The following CNTN5 variants were observed in gnomAD, a reference collection of about 807,000 sequenced individuals.
The protein encoded by CNTN5 is contactin-5.
Under a neutral mutation model 129.1 loss-of-function variants are expected in CNTN5, and 77 were observed. That is an observed-to-expected ratio of 0.60 (90% confidence interval 0.50 to 0.72). The LOEUF is 0.72. Among genes scored for constraint, CNTN5 ranks in the 30% least tolerant of loss-of-function variants. The pLI, the probability that CNTN5 is intolerant of heterozygous loss-of-function variation, is 0.00. For missense variants in CNTN5, 1,478 were observed against 1,328.8 expected, an observed-to-expected ratio of 1.11 and a Z score of -1.75; for synonymous variants, 509 against 465.6, an observed-to-expected ratio of 1.09 and a Z score of -1.20.
At chr11:99,261,455 A>T (rs980468544) in intron 1 of CNTN5, among the ~76,000 whole-genome samples, 12 of 152,016 alleles carry the variant, frequency 7.9e-5, no homozygotes, top group Admixed American at 6.6e-5. Flanking sequence ...TTTATTCTGA[A>T]TGTGTTTTGT....
intron 2 of CNTN5, 45 bp downstream of exon 2, chr11:99,325,529 G>A (rs185218167): frequency 6.6e-6 from 1 of 152,044 alleles, no homozygotes; most frequent in Admixed American, 6.6e-5. Context: ...TGAAAGACAT[G>A]TTGAAAAAAA....
chr11:99,403,038 G>T (rs1462569531), intron 2 of CNTN5, among the ~76,000 whole-genome samples: 2 of 133,166 alleles, frequency 1.5e-5, no homozygotes, highest in Non-Finnish European at 1.6e-5. Context: ...ATGGAGTCTT[G>T]CTCTGTCACC....
rs568406771 is a variant in CNTN5, at chr11:99,931,730, A to C, written c.673+15581A>C. On this transcript the variant is annotated intron_variant, in intron 7 of 24. Coordinates refer to ENST00000524871, the MANE Select transcript of CNTN5 (RefSeq NM_014361.4). ...GTCAACCAGTCAAATTAGTATGTTA[A>C]ATGCAGACAAGTTAGTGTGCAATAT... Among the ~76,000 whole-genome samples the C allele has an allele frequency of 7.2e-5, 11 of 152,326 alleles. No individual in the cohort carries two copies. In the East Asian group the frequency reaches 2.1e-3, roughly 29 times the overall value.
intron 1 of CNTN5, among the ~76,000 whole-genome samples, chr11:99,137,215 G>T (rs1465269015): frequency 6.6e-6 from 1 of 152,148 alleles, no homozygotes; most frequent in Non-Finnish European, 1.5e-5. Flanking sequence ...AATATTTGCA[G>T]ATACACTAAT....
intron 2 of CNTN5, among the ~76,000 whole-genome samples, chr11:99,369,725 A>G (rs1219315943): frequency 1.3e-5 from 2 of 152,144 alleles, no homozygotes; most frequent in East Asian, 3.8e-4. Flanking sequence ...CATTATCCAA[A>G]ATAGGTGGAA....
chr11:99,697,312 A>AGGTG (rs571208258), intron 3 of CNTN5, among the ~76,000 whole-genome samples: 3 of 151,506 alleles, frequency 2.0e-5, no homozygotes, highest in African/African-American at 7.3e-5. Flanking sequence ...AGAGAAAAAG[A>AGGTG]GGGGGAGAGA....
At chr11:99,807,205 A>G (rs1195337103) in intron 3 of CNTN5, among the ~76,000 whole-genome samples, 1 of 152,196 alleles carries the variant, frequency 6.6e-6, no homozygotes, top group African/African-American at 2.4e-5. Flanking sequence ...ATGCAAAATA[A>G]CATAAAGAAA....
At chr11:99,393,639 T>C (rs560836939) in intron 2 of CNTN5, among the ~76,000 whole-genome samples, 1 of 151,894 alleles carries the variant, frequency 6.6e-6, no homozygotes, top group Non-Finnish European at 1.5e-5. Context: ...TTTCTGTCAC[T>C]TACCATTCAT....
intron 18 of CNTN5, among the ~76,000 whole-genome samples, chr11:100,272,933 G>A (rs917246089): frequency 2.6e-5 from 4 of 152,134 alleles, no homozygotes; most frequent in Admixed American, 1.3e-4. Flanking sequence ...AGAGGGTTTG[G>A]TGCAAGAGCA....
chr11:99,988,132 T>C (rs775965523), intron 8 of CNTN5, among the ~76,000 whole-genome samples: 2 of 152,186 alleles, frequency 1.3e-5, no homozygotes, highest in South Asian at 2.1e-4. Flanking sequence ...AAATGAAATA[T>C]GTTGTGAATT....
chr11:100,226,868 C>T (rs2138635429), intron 16 of CNTN5, among the ~76,000 whole-genome samples: 2 of 152,076 alleles, frequency 1.3e-5, no homozygotes, highest in South Asian at 2.1e-4. Flanking sequence ...AATAGTTTTA[C>T]TCTGCCAGTC....
At chr11:99,711,172 C>A (rs181411523) in intron 3 of CNTN5, among the ~76,000 whole-genome samples, 35 of 151,816 alleles carry the variant, frequency 2.3e-4, no homozygotes, top group African/African-American at 8.5e-4. Flanking sequence ...AAAAGTCACC[C>A]TTTAATAAAC....
chr11:99,580,313 C>T (rs576002365), intron 3 of CNTN5, among the ~76,000 whole-genome samples: 212 of 152,094 alleles, frequency 1.4e-3, no homozygotes, highest in Non-Finnish European at 2.8e-3. Flanking sequence ...TGTCTCTGCT[C>T]GGCTTTGGTA....
At chr11:99,339,352 T>C (rs1344947154) in intron 2 of CNTN5, among the ~76,000 whole-genome samples, 1 of 152,090 alleles carries the variant, frequency 6.6e-6, no homozygotes, top group Non-Finnish European at 1.5e-5. Context: ...TATGGTTGGG[T>C]GGTTTTTTGC....
At chr11:99,100,484 A>G (rs1053855723) in intron 1 of CNTN5, among the ~76,000 whole-genome samples, 6 of 152,114 alleles carry the variant, frequency 3.9e-5, no homozygotes, top group African/African-American at 1.4e-4. Context: ...TTTACTCTAT[A>G]TTAAATATTG....
chr11:99,209,607 A>G (rs1403942932), intron 1 of CNTN5, among the ~76,000 whole-genome samples: 1 of 152,198 alleles, frequency 6.6e-6, no homozygotes, highest in Non-Finnish European at 1.5e-5. Context: ...ACATTGCAAC[A>G]GGAGATTTGA....
At chr11:99,582,087 C>A (rs1949622363) in intron 3 of CNTN5, among the ~76,000 whole-genome samples, 1 of 152,096 alleles carries the variant, frequency 6.6e-6, no homozygotes, top group Non-Finnish European at 1.5e-5. Context: ...ACTTATGAAG[C>A]TTAATTTGGC....
intron 2 of CNTN5, among the ~76,000 whole-genome samples, chr11:99,412,499 C>T (rs1942443556): frequency 6.6e-6 from 1 of 152,140 alleles, no homozygotes; most frequent in South Asian, 2.1e-4. Context: ...TTGCTATCCT[C>T]ACCTCCATCA....
chr11:99,784,959 C>G (rs1371945814), intron 3 of CNTN5, among the ~76,000 whole-genome samples: 7 of 151,848 alleles, frequency 4.6e-5, no homozygotes, highest in Admixed American at 4.6e-4. Flanking sequence ...ACCATCACAC[C>G]TGGCTAATTT....
Sources: gnomAD v4.1 joint callset for allele counts (sites outside exome capture counted in the v4.1 genomes callset) on GRCh38, gnomAD v4.1.1 for gene constraint, MANE v1.5 for transcripts, NCBI Gene and HGNC (gene_info 2026-07-23, HGNC 2026-07-21) for gene names.